AFG2A: variants seen among roughly 807,000 people sequenced by gnomAD.
The protein encoded by AFG2A is AAA ATPase AFG2A.
chr4:123,098,510 A>T, the AFG2A span, among the ~76,000 whole-genome samples: 117,920 of 151,904 alleles, frequency 0.78, 45,937 homozygotes, highest in East Asian at 0.97. Context: ...TTTGACCAAT[A>T]TCTTCCCAAC....
the AFG2A span, among the ~76,000 whole-genome samples, chr4:122,970,954 C>T: frequency 3.3e-5 from 5 of 152,128 alleles, no homozygotes; most frequent in African/African-American, 1.2e-4. Flanking sequence ...GTGCCTCAGC[C>T]TCCCAAGTAG....
the AFG2A span, among the ~76,000 whole-genome samples, chr4:123,050,300 C>T: frequency 1.6e-4 from 24 of 152,150 alleles, no homozygotes; most frequent in African/African-American, 3.6e-4. Flanking sequence ...TGAAATGTTC[C>T]GTAAATGTCT....
chr4:123,307,175 T>G, the AFG2A span, among the ~76,000 whole-genome samples: 1 of 152,234 alleles, frequency 6.6e-6, no homozygotes. Context: ...TATCTACTTT[T>G]GCTTTTTGTT....
the AFG2A span, among the ~76,000 whole-genome samples, chr4:123,215,582 A>T: frequency 1.3e-5 from 2 of 152,092 alleles, no homozygotes; most frequent in African/African-American, 4.8e-5. Context: ...ATTTATTTCA[A>T]TAGCCCATCC....
the AFG2A span, among the ~76,000 whole-genome samples, chr4:123,295,096 C>T: frequency 6.6e-6 from 1 of 152,206 alleles, no homozygotes; most frequent in African/African-American, 2.4e-5. Flanking sequence ...ACCTCCTTTA[C>T]CATTACAACA....
the AFG2A span, among the ~76,000 whole-genome samples, chr4:123,180,257 C>A: frequency 6.6e-6 from 1 of 151,966 alleles, no homozygotes; most frequent in Non-Finnish European, 1.5e-5. Context: ...TAGTATGTAA[C>A]TATTTATTTA....
At chr4:123,273,426 T>C in the AFG2A span, among the ~76,000 whole-genome samples, 1 of 152,108 alleles carries the variant, frequency 6.6e-6, no homozygotes, top group East Asian at 1.9e-4. Flanking sequence ...GAAAATATGA[T>C]TCACTATATA....
the AFG2A span, among the ~76,000 whole-genome samples, chr4:122,991,908 A>G: frequency 6.6e-5 from 10 of 152,150 alleles, no homozygotes; most frequent in African/African-American, 2.4e-4. Flanking sequence ...GCTGATTATT[A>G]TGAGTTTTTT....
the AFG2A span, among the ~76,000 whole-genome samples, chr4:123,311,101 T>C: frequency 3.4e-4 from 52 of 152,240 alleles, no homozygotes; most frequent in African/African-American, 1.2e-3. Context: ...CCAAGTTTTC[T>C]ATATCTCAAG....
the AFG2A span, among the ~76,000 whole-genome samples, chr4:123,021,226 A>T: frequency 1.3e-5 from 2 of 151,286 alleles, no homozygotes; most frequent in Non-Finnish European, 2.9e-5. Flanking sequence ...TTAAAAAAAA[A>T]TTTTAATGAT....
the AFG2A span, chr4:123,090,703 A>G: frequency 6.2e-7 from 1 of 1,612,716 alleles, no homozygotes; most frequent in Non-Finnish European, 8.5e-7. Context: ...TAGGATAGAC[A>G]AGGTAAGAGA....
chr4:123,278,324 T>C, the AFG2A span, among the ~76,000 whole-genome samples: 2 of 152,298 alleles, frequency 1.3e-5, no homozygotes, highest in African/African-American at 2.4e-5. Context: ...TTGTCATTTC[T>C]AATTGTGTTT....
At chr4:123,194,371 T>C in the AFG2A span, among the ~76,000 whole-genome samples, 1 of 152,184 alleles carries the variant, frequency 6.6e-6, no homozygotes, top group African/African-American at 2.4e-5. Context: ...GCTAATTTGT[T>C]TTGGGCCCAG....
At chr4:123,175,123 G>A in the AFG2A span, among the ~76,000 whole-genome samples, 1 of 151,940 alleles carries the variant, frequency 6.6e-6, no homozygotes, top group Non-Finnish European at 1.5e-5. Context: ...AAACCCTACT[G>A]CAAAAGCACA....
At chr4:123,281,405 A>T in the AFG2A span, among the ~76,000 whole-genome samples, 1 of 152,180 alleles carries the variant, frequency 6.6e-6, no homozygotes, top group Non-Finnish European at 1.5e-5. Flanking sequence ...TGGGGTATTA[A>T]ACCTGAGATG....
At chr4:123,112,587 T>C in the AFG2A span, among the ~76,000 whole-genome samples, 5 of 152,212 alleles carry the variant, frequency 3.3e-5, no homozygotes, top group Admixed American at 3.3e-4. Context: ...TCAGAGAGAA[T>C]AGTGATATGG....
chr4:122,947,365 G>C, the AFG2A span: 1 of 1,614,156 alleles, frequency 6.2e-7, no homozygotes, highest in Non-Finnish European at 8.5e-7. Context: ...GGACCGGCTA[G>C]ATATTCTCCA....
At chr4:122,924,817 C>A in the AFG2A span, among the ~76,000 whole-genome samples, 1 of 151,822 alleles carries the variant, frequency 6.6e-6, no homozygotes, top group African/African-American at 2.4e-5. Flanking sequence ...GGTCACAGAT[C>A]AGCACTTTTC....
chr4:123,313,043 T>C, the AFG2A span, among the ~76,000 whole-genome samples: 7 of 152,198 alleles, frequency 4.6e-5, no homozygotes, highest in Non-Finnish European at 1.0e-4. Flanking sequence ...ACAATATCTC[T>C]TTTCATCCCA....
Sources: gnomAD v4.1 joint callset for allele counts (sites outside exome capture counted in the v4.1 genomes callset) on GRCh38, gnomAD v4.1.1 for gene constraint, MANE v1.5 for transcripts, NCBI Gene and HGNC (gene_info 2026-07-23, HGNC 2026-07-21) for gene names.